SUPT3H: variants seen among roughly 807,000 people sequenced by gnomAD.
The protein encoded by SUPT3H is transcription initiation protein SPT3 homolog.
Under a neutral mutation model 44.3 loss-of-function variants are expected in SUPT3H, and 44 were observed. That is an observed-to-expected ratio of 0.99 (90% CI 0.78 to 1.28). The LOEUF (loss-of-function observed/expected upper bound fraction) is 1.28, where lower values mean the gene tolerates loss of function less well. Ranked by LOEUF, SUPT3H falls within the 50% of genes most tolerant of loss-of-function variation. The pLI, the probability that SUPT3H is intolerant of heterozygous loss-of-function variation, is 0.00. For synonymous variants in SUPT3H, 124 were observed against 125.6 expected (o/e 0.99, Z 0.09); for missense variants, 380 against 387.1 (o/e 0.98, Z 0.15).
intron 2 of SUPT3H, among the ~76,000 whole-genome samples, chr6:45,139,232 A>T (rs1439986178): frequency 1.3e-5 from 2 of 152,248 alleles, no homozygotes; most frequent in African/African-American, 4.8e-5. Flanking sequence ...ATTGGCAATA[A>T]AAACAAAATG....
At chr6:44,931,391 A>G (rs1332910703) in intron 10 of SUPT3H, among the ~76,000 whole-genome samples, 2 of 150,990 alleles carry the variant, frequency 1.3e-5, no homozygotes, top group Non-Finnish European at 3.0e-5. Flanking sequence ...TTTCACTCTC[A>G]GTTGGTTTTT....
intron 6 of SUPT3H, among the ~76,000 whole-genome samples, chr6:44,999,702 T>G (rs187667879): frequency 7.4e-4 from 113 of 152,172 alleles, no homozygotes; most frequent in Non-Finnish European, 1.4e-3. Context: ...ATGGGGATGG[T>G]GTGTTCTAGT....
At chr6:44,836,760 C>T (rs1769988976) in intron 10 of SUPT3H, among the ~76,000 whole-genome samples, 1 of 151,994 alleles carries the variant, frequency 6.6e-6, no homozygotes, top group Non-Finnish European at 1.5e-5. Context: ...AATTAAGTGG[C>T]TAATAAATAC....
intron 2 of SUPT3H, among the ~76,000 whole-genome samples, chr6:45,108,334 C>T (rs1799558203): frequency 6.6e-6 from 1 of 152,110 alleles, no homozygotes; most frequent in South Asian, 2.1e-4. Flanking sequence ...AGAAATTAGC[C>T]AGGCATGGCG....
intron 6 of SUPT3H, among the ~76,000 whole-genome samples, chr6:44,979,563 C>T (rs187198549): frequency 4.6e-5 from 7 of 152,074 alleles, no homozygotes; most frequent in Admixed American, 2.6e-4. Context: ...AATCAATGTT[C>T]TATGTAAAAG....
chr6:45,203,671 C>T (rs937655299), intron 2 of SUPT3H, among the ~76,000 whole-genome samples: 2 of 152,144 alleles, frequency 1.3e-5, no homozygotes, highest in Non-Finnish European at 2.9e-5. Flanking sequence ...TTGCTGTGGT[C>T]CTAATCTATC....
intron 11 of SUPT3H, among the ~76,000 whole-genome samples, chr6:44,819,025 T>A (rs1382734324): frequency 6.6e-6 from 1 of 152,214 alleles, no homozygotes; most frequent in Non-Finnish European, 1.5e-5. Flanking sequence ...CCATTTGTGT[T>A]CAGAGCAATT....
intron 2 of SUPT3H, among the ~76,000 whole-genome samples, chr6:45,285,426 A>AC (rs1779052492): frequency 6.6e-6 from 1 of 152,218 alleles, no homozygotes; most frequent in Admixed American, 6.5e-5. Flanking sequence ...TGCAAAAATC[A>AC]CAAGCATTCT....
intron 10 of SUPT3H, among the ~76,000 whole-genome samples, chr6:44,877,717 C>T (rs762472680): frequency 6.6e-6 from 1 of 152,128 alleles, no homozygotes; most frequent in African/African-American, 2.4e-5. Context: ...GCAAACCTCT[C>T]CTGCATCAAA....
intron 10 of SUPT3H, among the ~76,000 whole-genome samples, chr6:44,868,818 A>G (rs1228234862): frequency 6.6e-6 from 1 of 152,172 alleles, no homozygotes; most frequent in Admixed American, 6.5e-5. Context: ...TGGATTCCCA[A>G]TGCTTCTTGG....
At chr6:45,026,976 C>T (rs1267847513) in intron 3 of SUPT3H, among the ~76,000 whole-genome samples, 1 of 139,492 alleles carries the variant, frequency 7.2e-6, no homozygotes, top group Non-Finnish European at 1.5e-5. Flanking sequence ...TACTCTTCTG[C>T]TTTGGATCCT....
chr6:45,160,089 T>C (rs1808688023), intron 2 of SUPT3H, among the ~76,000 whole-genome samples: 1 of 152,196 alleles, frequency 6.6e-6, no homozygotes. Context: ...AAGCATAGCA[T>C]GTACCTCTCA....
At chr6:45,022,619 G>A (rs1351264538) in intron 3 of SUPT3H, among the ~76,000 whole-genome samples, 2 of 151,826 alleles carry the variant, frequency 1.3e-5, no homozygotes, top group Non-Finnish European at 2.9e-5. Flanking sequence ...TTGGACCTCT[G>A]CCTAGTTAGT....
At chr6:45,309,174 AAAG>A (rs1783583670) in intron 2 of SUPT3H, among the ~76,000 whole-genome samples, 1 of 151,696 alleles carries the variant, frequency 6.6e-6, no homozygotes, top group African/African-American at 2.4e-5. Context: ...AAAAAAAAAA[AAAG>A]AATACAATCT....
intron 10 of SUPT3H, among the ~76,000 whole-genome samples, chr6:44,836,777 G>A (rs1372493966): frequency 6.6e-6 from 1 of 152,070 alleles, no homozygotes; most frequent in Non-Finnish European, 1.5e-5. Flanking sequence ...ATACAACATT[G>A]TATTTTAGGA....
At chr6:45,334,917 A>G (rs7757282) in intron 2 of SUPT3H, among the ~76,000 whole-genome samples, 56,904 of 150,972 alleles carry the variant, frequency 0.38, 11,421 homozygotes, top group Non-Finnish European at 0.45. Flanking sequence ...AATCAATCTT[A>G]TAAAATCCAA....
chr6:45,221,571 G>T (rs907033240), intron 2 of SUPT3H, among the ~76,000 whole-genome samples: 11 of 152,040 alleles, frequency 7.2e-5, no homozygotes, highest in Non-Finnish European at 1.2e-4. Flanking sequence ...GTTGATGAAA[G>T]AAATCAGACA....
At chr6:44,957,338 C>T (rs1333867575) in intron 7 of SUPT3H, among the ~76,000 whole-genome samples, 6 of 152,074 alleles carry the variant, frequency 3.9e-5, no homozygotes, top group Non-Finnish European at 8.8e-5. Context: ...TTATGATAAT[C>T]CCCCTTAAAG....
intron 10 of SUPT3H, among the ~76,000 whole-genome samples, chr6:44,909,226 A>C (rs577306107): frequency 6.6e-6 from 1 of 151,906 alleles, no homozygotes; most frequent in African/African-American, 2.4e-5. Flanking sequence ...CTTGCTATCC[A>C]TATTTGGGTG....
Sources: allele counts gnomAD v4.1 joint callset (sites outside exome capture counted in the v4.1 genomes callset), GRCh38; gene constraint gnomAD v4.1.1; transcripts MANE v1.5; gene names NCBI Gene and HGNC (gene_info 2026-07-23, HGNC 2026-07-21).